Variants in RAPGEF5 observed in about 807,000 individuals in gnomAD.
The protein encoded by RAPGEF5 is Rap guanine nucleotide exchange factor 5.
A neutral mutation model predicts 125.2 loss-of-function variants in RAPGEF5; 65 were observed. That is an observed-to-expected ratio of 0.52 (90% CI 0.43 to 0.64). The LOEUF is 0.64. Ranked by LOEUF, RAPGEF5 falls within the 30% of genes least tolerant of loss-of-function variation. The pLI is 0.00. For synonymous variants in RAPGEF5, 391 were observed against 385.9 expected (o/e 1.01, Z -0.16); for missense variants, 958 against 1,048.1 (o/e 0.91, Z 1.19).
intron 23 of RAPGEF5, among the ~76,000 whole-genome samples, chr7:22,135,203 C>T (rs1269919542): frequency 6.6e-6 from 1 of 152,178 alleles, no homozygotes; most frequent in Non-Finnish European, 1.5e-5. Flanking sequence ...CCACTGGGGC[C>T]TGGCTTAGCA....
intron 7 of RAPGEF5, among the ~76,000 whole-genome samples, chr7:22,249,871 T>G (rs1397547510): frequency 6.6e-6 from 1 of 152,212 alleles, no homozygotes; most frequent in Non-Finnish European, 1.5e-5. Flanking sequence ...TGTCAGGGCC[T>G]CAGTCTATAC....
chr7:22,301,367 G>A (rs577039247), intron 5 of RAPGEF5, among the ~76,000 whole-genome samples: 8 of 152,256 alleles, frequency 5.3e-5, no homozygotes, highest in African/African-American at 1.7e-4. Flanking sequence ...TGTAATCTCC[G>A]AACTTTGGGA....
At chr7:22,346,516 T>G (rs930260711) in intron 1 of RAPGEF5, among the ~76,000 whole-genome samples, 22 of 152,310 alleles carry the variant, frequency 1.4e-4, no homozygotes, top group African/African-American at 5.3e-4. Flanking sequence ...AGTGATAAGC[T>G]GTTCACTTCC....
chr7:22,286,122 G>A (rs1782789930), intron 6 of RAPGEF5, among the ~76,000 whole-genome samples: 1 of 152,118 alleles, frequency 6.6e-6, no homozygotes, highest in Non-Finnish European at 1.5e-5. Flanking sequence ...GTAGCGCAAT[G>A]GATAACGCGT....
chr7:22,193,313 G>T, intron 11 of RAPGEF5, 54 bp downstream of exon 11: 1 of 1,530,444 alleles, frequency 6.5e-7, no homozygotes. Flanking sequence ...TGAGGGTACT[G>T]ACAAGGGCAT....
chr7:22,186,867 A>T (rs1426352514), intron 11 of RAPGEF5, among the ~76,000 whole-genome samples: 1 of 152,262 alleles, frequency 6.6e-6, no homozygotes, highest in Non-Finnish European at 1.5e-5. Context: ...GAATATCCCA[A>T]AATGGCTTGG....
intron 11 of RAPGEF5, among the ~76,000 whole-genome samples, chr7:22,184,903 T>C (rs971802764): frequency 6.6e-6 from 1 of 152,210 alleles, no homozygotes; most frequent in African/African-American, 2.4e-5. Context: ...TGATACAGTG[T>C]CAGCTGGAAC....
intron 7 of RAPGEF5, among the ~76,000 whole-genome samples, chr7:22,237,363 T>G (rs571873039): frequency 1.7e-5 from 2 of 119,100 alleles, no homozygotes; most frequent in East Asian, 2.0e-4. Flanking sequence ...GTTGTTGCTG[T>G]TTTTTTTTTT....
At chr7:22,317,723 A>G (rs1382061374) in intron 2 of RAPGEF5, among the ~76,000 whole-genome samples, 2 of 152,186 alleles carry the variant, frequency 1.3e-5, no homozygotes, top group Non-Finnish European at 2.9e-5. Context: ...CTGCCACATT[A>G]ATTCATTCAT....
chr7:22,170,430 T>C (rs529421376), intron 11 of RAPGEF5, among the ~76,000 whole-genome samples: 12 of 152,252 alleles, frequency 7.9e-5, no homozygotes, highest in South Asian at 2.1e-4. Context: ...GCAGAAACCA[T>C]TGGGTGACAG....
At chr7:22,242,133 G>C (rs1786347333) in intron 7 of RAPGEF5, among the ~76,000 whole-genome samples, 1 of 152,214 alleles carries the variant, frequency 6.6e-6, no homozygotes, top group Admixed American at 6.5e-5. Flanking sequence ...GGCTAGGTCT[G>C]AGAGGGTGAG....
At chr7:22,309,203 T>G (rs977687538) in intron 4 of RAPGEF5, among the ~76,000 whole-genome samples, 1 of 152,206 alleles carries the variant, frequency 6.6e-6, no homozygotes, top group African/African-American at 2.4e-5. Context: ...TAATAATACC[T>G]CCATTCTTCA....
chr7:22,225,108 T>C (rs1197071789), intron 8 of RAPGEF5, among the ~76,000 whole-genome samples: 2 of 152,094 alleles, frequency 1.3e-5, no homozygotes, highest in African/African-American at 4.8e-5. Flanking sequence ...CAGTGAGCTA[T>C]GATCACACCA....
chr7:22,269,159 T>TG (rs1411596295), intron 6 of RAPGEF5, among the ~76,000 whole-genome samples: 4 of 132,388 alleles, frequency 3.0e-5, no homozygotes, highest in Non-Finnish European at 6.2e-5. Context: ...GTTTCTGCAT[T>TG]GGGAGGGAAA....
chr7:22,128,079 TTTGCGTAGC>T (rs1214428925), intron 24 of RAPGEF5, among the ~76,000 whole-genome samples: 1 of 152,154 alleles, frequency 6.6e-6, no homozygotes, highest in Non-Finnish European at 1.5e-5. Context: ...TCATATGCCA[TTTGCGTAGC>T]TTGTGCAAGG....
At position 22,302,087 on chromosome 7, in the gene RAPGEF5, T is replaced by A. The variant is rs1783220615; in HGVS notation, c.680+6252A>T. 2.0e-5 allele frequency among the ~76,000 whole-genome samples: 3 copies of A among 152,216 alleles called. No homozygotes were observed. The South Asian group carries it at 6.2e-4, about 32-fold the overall frequency. Reference sequence around the variant, plus strand: ...ACAGAGTGCTGGTGACAAGTGGTTGTCTTTTCCCAGACCCTCTGCTCCCTG... The same window carrying A: ...ACAGAGTGCTGGTGACAAGTGGTTGACTTTTCCCAGACCCTCTGCTCCCTG... On this transcript the variant is annotated intron_variant, in intron 5 of 25. Transcript: ENST00000665637.
Position 22,122,262 on chromosome 7 carries a change from G to A in RAPGEF5, c.*144C>T, listed in dbSNP as rs1025774078. 8 of 637,176 alleles carry A rather than the reference G, an allele frequency of 1.3e-5. No individual in the cohort carries two copies. Among genetic ancestry groups the A allele is most frequent in the East Asian group, 8.4e-5 (3 of 35,700 alleles). The allele number at this position is 637,176 out of a possible 1,614,324, so 39.5% of individuals were successfully genotyped here. On this transcript the variant is annotated 3_prime_UTR_variant, in exon 26 of 26. Transcript: ENST00000665637. ...GTGGCTGACATCACTTCCTGAACAC[G>A]CTTTGGCTGGCTTTCCTGTGAATGT... is the stretch of plus-strand genomic sequence containing the variant.
intron 1 of RAPGEF5, among the ~76,000 whole-genome samples, chr7:22,332,399 A>G (rs1000704043): frequency 9.2e-5 from 14 of 152,348 alleles, no homozygotes; most frequent in East Asian, 3.9e-4. Context: ...TTGTTTCCCA[A>G]TGTTTTATTT....
In RAPGEF5 at chr7:22,120,577, T is replaced by C. The variant is rs1321198808; in HGVS notation, c.*1829A>G. ...GTTAGTAACTGCGTGAGGAGGGCTTTGGAGGGTTTGCTCAGCCCAGCCGTG... is the reference window on the plus strand; with the variant it reads ...GTTAGTAACTGCGTGAGGAGGGCTTCGGAGGGTTTGCTCAGCCCAGCCGTG... On this transcript the variant is annotated 3_prime_UTR_variant, in exon 26 of 26. Transcript: ENST00000665637. This position sits in a 1 kb window ranked among gnomAD's most constrained non-coding sequence, Gnocchi z 4.0. 3 of 152,670 alleles carry C rather than the reference T, an allele frequency of 2.0e-5. No individual in the cohort carries two copies. Among genetic ancestry groups the C allele is most frequent in the Non-Finnish European group, 4.4e-5 (3 of 68,082 alleles). The allele number at this position is 152,670 out of a possible 1,614,324, so 9.5% of individuals were successfully genotyped here.
Sources: gnomAD v4.1 joint callset for allele counts (sites outside exome capture counted in the v4.1 genomes callset) on GRCh38, gnomAD v4.1.1 for gene constraint, Gnocchi (gnomAD v3.1) non-coding constraint, MANE v1.5 for transcripts, NCBI Gene and HGNC (gene_info 2026-07-23, HGNC 2026-07-21) for gene names.